The following NUP88 variants were observed in gnomAD, a reference collection of about 807,000 sequenced individuals.
The protein encoded by NUP88 is nucleoporin 88, also known as nuclear pore complex protein Nup88.
In NUP88, 57 loss-of-function variants were observed where a neutral mutation model predicts 93.9. The ratio of observed to expected loss-of-function variants is 0.61; its 90% CI spans 0.49 to 0.76. The LOEUF is 0.76. NUP88 is among the 30% of genes least tolerant of loss of function. The pLI is 0.00. For synonymous variants in NUP88, 346 were observed against 336.8 expected (o/e 1.03, Z -0.30); for missense variants, 911 against 901.0 (o/e 1.01, Z -0.14).
intron 1 of NUP88, among the ~76,000 whole-genome samples, chr17:5,417,332 T>C (rs1914210425): frequency 6.6e-6 from 1 of 152,164 alleles, no homozygotes; most frequent in South Asian, 2.1e-4. Flanking sequence ...CCAGGCGTGG[T>C]GGCACATGCC....
At chr17:5,413,153 G>A (rs1913937827) in intron 3 of NUP88, among the ~76,000 whole-genome samples, 1 of 150,086 alleles carries the variant, frequency 6.7e-6, no homozygotes, top group African/African-American at 2.5e-5. Flanking sequence ...AATTTTTTTT[G>A]CAGAGACAGG....
chr17:5,405,863 TGGTGTTCTCCA>T (rs1212088962), intron 5 of NUP88, among the ~76,000 whole-genome samples: 1 of 152,348 alleles, frequency 6.6e-6, no homozygotes, highest in East Asian at 1.9e-4. Context: ...TCTTAAATAT[TGGTGTTCTCCA>T]GGATTCTGTT....
chr17:5,399,461 C>T, intron 8 of NUP88, 91 bp downstream of exon 8: 1 of 652,040 alleles, frequency 1.5e-6, no homozygotes, highest in South Asian at 2.1e-5. Flanking sequence ...TTTTCTCTAT[C>T]ATTTTTCTAT....
intron 4 of NUP88, among the ~76,000 whole-genome samples, chr17:5,410,303 T>C (rs1034049486): frequency 1.3e-5 from 2 of 152,206 alleles, no homozygotes; most frequent in African/African-American, 4.8e-5. Flanking sequence ...ATATTTAAAA[T>C]TTACTGTAGT....
rs773265181 is a variant in NUP88, at chr17:5,387,953, CTG to C, written c.1644-51_1644-50del. 39 of 1,530,156 alleles carry C rather than the reference CTG, an allele frequency of 2.5e-5. No homozygotes were observed. The African/African-American group carries it at 5.8e-4, about 23-fold the overall frequency. 94.8% of individuals were successfully genotyped at this position (1,530,156 alleles called of 1,614,324 possible). A position where few individuals can be genotyped will look rare whatever the true frequency, so the allele number is the denominator to read the frequency against. ...TATTTTCCTTAGCTGAGTAAAACAA[CTG>C]AAAATAAATAGACTCAAGTCACAGG... On this transcript the variant is annotated intron_variant, in intron 11 of 16. Coordinates refer to ENST00000573584, the MANE Select transcript of NUP88 (RefSeq NM_002532.6).
At position 5,399,537 on chromosome 17, in the gene NUP88, A is replaced by T. The variant is rs772366340; in HGVS notation, c.1291+15T>A. 3.0e-6 allele frequency: 4 copies of T among 1,327,156 alleles called. No homozygotes were observed. Among genetic ancestry groups the T allele is most frequent in the Non-Finnish European group, 4.3e-6 (4 of 925,472 alleles). 82.2% of individuals were successfully genotyped at this position (1,327,156 alleles called of 1,614,324 possible). A position where few individuals can be genotyped will look rare whatever the true frequency, so the allele number is the denominator to read the frequency against. On this transcript the variant is annotated intron_variant, in intron 8 of 16. Transcript: ENST00000573584. ...TCTGAAATCTATTAAAAGTGCAGAG[A>T]GTTAGTAAACTCACCTGATCCAAGA...
chr17:5,417,476 AAAAT>A (rs1359122869), intron 1 of NUP88, among the ~76,000 whole-genome samples: 1 of 152,030 alleles, frequency 6.6e-6, no homozygotes, highest in East Asian at 1.9e-4. Flanking sequence ...TCAAAAATAA[AAAAT>A]AAAATACGTT....
At chr17:5,414,363 C>T (rs1470439782) in intron 2 of NUP88, among the ~76,000 whole-genome samples, 2 of 151,900 alleles carry the variant, frequency 1.3e-5, no homozygotes, top group Non-Finnish European at 2.9e-5. Flanking sequence ...GCCCAGCGAA[C>T]TTTGTATTTT....
chr17:5,391,781 T>C lies in NUP88; in HGVS notation c.1383-119A>G, dbSNP rs1271991034. On this transcript the variant is annotated intron_variant, in intron 9 of 16. Coordinates refer to ENST00000573584, the MANE Select transcript of NUP88 (RefSeq NM_002532.6). The stretch of plus-strand genomic sequence containing the variant: ...GGCTGAAGTTGCTTGGGACATCCTA[T>C]CAGTACCATAACCTCAAAAGTGGTG... 3 of 733,244 alleles carry C rather than the reference T, an allele frequency of 4.1e-6. No homozygotes were observed. In the East Asian group the frequency reaches 8.1e-5, roughly 20 times the overall value. The allele number at this position is 733,244 out of a possible 1,614,324, so 45.4% of individuals were successfully genotyped here.
At chr17:5,397,896 T>A (rs1043170484) in intron 8 of NUP88, among the ~76,000 whole-genome samples, 11 of 152,168 alleles carry the variant, frequency 7.2e-5, no homozygotes, top group Admixed American at 1.3e-4. Context: ...TTCTTTTTTT[T>A]AATTTATTTT....
chr17:5,413,236 T>C (rs1314106309), intron 3 of NUP88, among the ~76,000 whole-genome samples: 2 of 152,174 alleles, frequency 1.3e-5, no homozygotes, highest in African/African-American at 4.8e-5. Context: ...CCTCCCAAAG[T>C]GCTGGGATTA....
At chr17:5,387,574 C>G (rs1189965000) in intron 13 of NUP88, 31 bp downstream of exon 13, 2 of 1,599,756 alleles carry the variant, frequency 1.3e-6, no homozygotes, top group African/African-American at 2.7e-5. Flanking sequence ...TCTTACTGAC[C>G]TATTGTATTC....
At chr17:5,412,382 CATTTCCTAGCTGA>C (rs1913888195) in intron 3 of NUP88, among the ~76,000 whole-genome samples, 1 of 152,130 alleles carries the variant, frequency 6.6e-6, no homozygotes, top group Non-Finnish European at 1.5e-5. Context: ...GAGACTGGTG[CATTTCCTAGCTGA>C]ATGCCCCTTA....
chr17:5,413,505 G>A (rs977293731), intron 3 of NUP88, among the ~76,000 whole-genome samples: 2 of 152,284 alleles, frequency 1.3e-5, no homozygotes, highest in African/African-American at 2.4e-5. Flanking sequence ...GCTGATAATA[G>A]AGTAGAAATC....
chr17:5,388,094 A>C, intron 11 of NUP88, 190 bp from the exon 12 acceptor site: 1 of 440,250 alleles, frequency 2.3e-6, no homozygotes, highest in Non-Finnish European at 4.0e-6. Flanking sequence ...TCCACCTCCC[A>C]GGTTCGAGCA....
chr17:5,418,618 A>G (rs943789682), intron 1 of NUP88, among the ~76,000 whole-genome samples: 2 of 152,170 alleles, frequency 1.3e-5, no homozygotes, highest in African/African-American at 4.8e-5. Context: ...TATTTTCAAA[A>G]CTGCAGAAGC....
rs1567576017 is a variant in NUP88 at position 5,410,817 on chromosome 17, C to T, written c.594-28G>A. On this transcript the variant is annotated intron_variant, in intron 3 of 16. Coordinates refer to ENST00000573584, the MANE Select transcript of NUP88 (RefSeq NM_002532.6). The stretch of plus-strand genomic sequence containing the variant: ...AGCAACCAAAAGAGAAGAAAACCAG[C>T]ACTTAAAATTCTGTTTTCATTTCCC... 2.1e-6 allele frequency: 3 copies of T among 1,459,232 alleles called. No homozygotes were observed. In the Admixed American group the frequency reaches 5.6e-5, roughly 27 times the overall value. The allele number at this position is 1,459,232 out of a possible 1,614,324, so 90.4% of individuals were successfully genotyped here.
chr17:5,407,046 T>C (rs1913540101), intron 5 of NUP88, among the ~76,000 whole-genome samples: 1 of 152,044 alleles, frequency 6.6e-6, no homozygotes. Flanking sequence ...GGAGAAAGGG[T>C]AAGGGAAGGT....
chr17:5,393,436 T>A (rs1297127450), intron 9 of NUP88, among the ~76,000 whole-genome samples: 1 of 110,210 alleles, frequency 9.1e-6, no homozygotes, highest in Non-Finnish European at 1.9e-5. Flanking sequence ...TTCACTTTTC[T>A]TTTTTTTTTT....
Sources: allele counts gnomAD v4.1 joint callset (sites outside exome capture counted in the v4.1 genomes callset), GRCh38; gene constraint gnomAD v4.1.1; transcripts MANE v1.5; gene names NCBI Gene and HGNC (gene_info 2026-07-23, HGNC 2026-07-21).